MAX: variants seen among roughly 807,000 people sequenced by gnomAD.
The protein encoded by MAX is protein max.
A neutral mutation model predicts 22.3 loss-of-function variants in MAX; 3 were observed. The observed-to-expected ratio is 0.13, with a 90% CI of 0.06 to 0.35. MAX has a LOEUF of 0.35. Ranked by LOEUF, MAX falls within the 10% of genes least tolerant of loss-of-function variation. The pLI is 1.00. For synonymous variants in MAX, 72 were observed against 77.7 expected, an observed-to-expected ratio of 0.93 and a Z score of 0.39; for missense variants, 119 against 209.4, an observed-to-expected ratio of 0.57 and a Z score of 2.66.
rs529334405 is a variant in MAX, at chr14:65,086,782, G to C, written c.171+6926C>G. ...ATTTTCTGAGAAGAAATTCAAGCCA[G>C]CTGCAGAGATTTGCATAAGTAATGA... On this transcript the variant is annotated intron_variant, in intron 3 of 4. Coordinates refer to ENST00000358664, the MANE Select transcript of MAX (RefSeq NM_002382.5). Among the ~76,000 whole-genome samples the C allele has an allele frequency of 3.3e-5, 5 of 152,368 alleles. No individual in the cohort carries two copies. The East Asian group carries it at 9.6e-4, about 29-fold the overall frequency.
chr14:65,020,676 C>T (rs1283096196), intron 3 of MAX, among the ~76,000 whole-genome samples: 2 of 152,106 alleles, frequency 1.3e-5, no homozygotes, highest in Non-Finnish European at 2.9e-5. Flanking sequence ...TCAGGTGATC[C>T]ACCTGCCTCA....
At chr14:65,056,569 A>G (rs2062741814) in intron 3 of MAX, among the ~76,000 whole-genome samples, 1 of 152,058 alleles carries the variant, frequency 6.6e-6, no homozygotes, top group Admixed American at 6.5e-5. Context: ...TGTTTTCCTG[A>G]TTACTGGTGA....
At chr14:65,025,126 T>C (rs1273919311) in intron 3 of MAX, among the ~76,000 whole-genome samples, 1 of 152,160 alleles carries the variant, frequency 6.6e-6, no homozygotes, top group Non-Finnish European at 1.5e-5. Flanking sequence ...CCTCCAGTTC[T>C]CTAGCACAGC....
chr14:65,007,671 T>A lies in MAX; in HGVS notation c.172-1387A>T, dbSNP rs1300593005. Among the ~76,000 whole-genome samples the A allele has an allele frequency of 1.3e-5, 2 of 152,238 alleles. No homozygotes were observed. The highest frequency in any genetic ancestry group is 4.8e-5 in the African/African-American group (2 of 41,456). ...TGACCATGCTTTTCATGGTTTTGTTTATTCATGTCTGCTTTCCCATGAAAA... is the reference window on the plus strand; with the variant it reads ...TGACCATGCTTTTCATGGTTTTGTTAATTCATGTCTGCTTTCCCATGAAAA... On this transcript the variant is annotated intron_variant, in intron 3 of 3. Coordinates refer to the MAX transcript ENST00000341653. This position sits in a 1 kb window ranked among gnomAD's most constrained non-coding sequence, Gnocchi z 4.9.
chr14:65,092,332 TAGG>T, intron 3 of MAX, among the ~76,000 whole-genome samples: 1 of 152,310 alleles, frequency 6.6e-6, no homozygotes, highest in East Asian at 1.9e-4. Flanking sequence ...AGGTGAGACT[TAGG>T]AGAAGGCAGC....
chr14:65,033,800 T>C (rs1433580649), intron 3 of MAX, among the ~76,000 whole-genome samples: 1 of 152,072 alleles, frequency 6.6e-6, no homozygotes, highest in African/African-American at 2.4e-5. Context: ...GAGCTTGCAG[T>C]GAGCCGAGAT....
At chr14:65,040,894 G>T in intron 3 of MAX, 1 of 1,613,926 alleles carries the variant, frequency 6.2e-7, no homozygotes. Flanking sequence ...AAGAGGGAAC[G>T]TTCCTTGAAC....
At chr14:65,033,551 A>G (rs1437879688) in intron 3 of MAX, among the ~76,000 whole-genome samples, 1 of 152,184 alleles carries the variant, frequency 6.6e-6, no homozygotes, top group Non-Finnish European at 1.5e-5. Context: ...GGATGCTCCA[A>G]ATATTTCATA....
intron 3 of MAX, among the ~76,000 whole-genome samples, chr14:65,086,427 T>C (rs2063335497): frequency 6.6e-6 from 1 of 152,196 alleles, no homozygotes; most frequent in East Asian, 1.9e-4. Context: ...TGAATGGCTT[T>C]GCCCAAAATG....
Position 65,009,207 on chromosome 14 carries a change from G to C in MAX, c.172-2923C>G, listed in dbSNP as rs2061645980. On this transcript the variant is annotated intron_variant, in intron 3 of 3. Coordinates refer to the MAX transcript ENST00000341653. This position sits in a 1 kb window ranked among gnomAD's most constrained non-coding sequence, Gnocchi z 4.2. ...GCTGCCATAAGACGGTATCACAGAT[G>C]GGGTGCATTAAACCACAGAGATTTA... Among the ~76,000 whole-genome samples, 1 of 152,136 alleles carries C rather than the reference G, an allele frequency of 6.6e-6. No individual in the cohort carries two copies. The highest frequency in any genetic ancestry group is 2.4e-5 in the African/African-American group (1 of 41,428).
Position 65,026,191 on chromosome 14 carries a change from G to A in MAX, c.172-19907C>T, listed in dbSNP as rs933097352. 3.3e-4 allele frequency among the ~76,000 whole-genome samples: 51 copies of A among 152,322 alleles called. 1 individual carries two copies. The highest frequency in any genetic ancestry group is 1.2e-3 in the African/African-American group (49 of 41,564). ...GTTGTAAATGGAGGTTTCTCCTGGC[G>A]GGAAGGCTGTGACCCTGCTGAGCTG... is the stretch of plus-strand genomic sequence containing the variant. On this transcript the variant is annotated intron_variant, in intron 3 of 3. Coordinates refer to the MAX transcript ENST00000341653.
chr14:65,021,721 C>G (rs2061889153), intron 3 of MAX, among the ~76,000 whole-genome samples: 1 of 152,202 alleles, frequency 6.6e-6, no homozygotes, highest in African/African-American at 2.4e-5. Flanking sequence ...TCTCAGCTCA[C>G]TGCAACTTCC....
chr14:65,024,035 G>A (rs2061935505), intron 3 of MAX, among the ~76,000 whole-genome samples: 1 of 151,698 alleles, frequency 6.6e-6, no homozygotes, highest in Non-Finnish European at 1.5e-5. Context: ...CCAGGAGGCA[G>A]AGCTTGCAGT....
At position 65,054,304 on chromosome 14, in the gene MAX, G is replaced by T. The variant is rs2062679556; in HGVS notation, c.171+39404C>A. On this transcript the variant is annotated intron_variant, in intron 3 of 3. Coordinates refer to the MAX transcript ENST00000341653. This position sits in a 1 kb window ranked among gnomAD's most constrained non-coding sequence, Gnocchi z 4.4. ...ATTTTTAATTTTTTGTAGAGACGGG[G>T]TCTCCCATGTTGCCCAAGTTGGTTT... Among the ~76,000 whole-genome samples, 1 of 151,878 alleles carries T rather than the reference G, an allele frequency of 6.6e-6. No individual in the cohort carries two copies.
rs1016819639 is a variant in MAX at position 65,076,178 on chromosome 14, C to T, written c.*298G>A. 2.1e-5 allele frequency: 29 copies of T among 1,388,700 alleles called. No homozygotes were observed. The highest frequency in any genetic ancestry group is 1.3e-4 in the African/African-American group (9 of 68,980). The allele number at this position is 1,388,700 out of a possible 1,614,324, so 86.0% of individuals were successfully genotyped here. A position where few individuals can be genotyped will look rare whatever the true frequency, so the allele number is the denominator to read the frequency against. On this transcript the variant is annotated 3_prime_UTR_variant, in exon 5 of 5. Transcript: ENST00000358664. This position sits in a 1 kb window ranked among gnomAD's most constrained non-coding sequence, Gnocchi z 6.6. ...GACACTATGTGCTCAGAGGTCCGGC[C>T]GGCCGTCTGTCCTCCACAGAAAAAG...
rs527627989 is a variant in MAX at position 65,052,016 on chromosome 14, C to T, written c.171+41692G>A. 2.2e-3 allele frequency among the ~76,000 whole-genome samples: 341 copies of T among 152,128 alleles called. 2 individuals are homozygous for T. The highest frequency in any genetic ancestry group is 7.8e-3 in the African/African-American group (322 of 41,500). Reference sequence around the variant, plus strand: ...TTCACCGTGTTAGCCGGGATGGTCTCGATCTCCTGACCTCGTGATCAACCC... The same window carrying T: ...TTCACCGTGTTAGCCGGGATGGTCTTGATCTCCTGACCTCGTGATCAACCC... On this transcript the variant is annotated intron_variant, in intron 3 of 3. Coordinates refer to the MAX transcript ENST00000341653.
chr14:65,028,237 C>T lies in MAX; in HGVS notation c.172-21953G>A, dbSNP rs987076504. Among the ~76,000 whole-genome samples, 1 of 152,132 alleles carries T rather than the reference C, an allele frequency of 6.6e-6. No individual in the cohort carries two copies. Among genetic ancestry groups the T allele is most frequent in the Non-Finnish European group, 1.5e-5 (1 of 68,024 alleles). On this transcript the variant is annotated intron_variant, in intron 3 of 3. Transcript: ENST00000341653. This position sits in a 1 kb window ranked among gnomAD's most constrained non-coding sequence, Gnocchi z 4.4. ...CACATGAGAGTTTTTCTGGGAGGTG[C>T]AGAGAGCCTTGTGGGCCGGGAGAGT...
chr14:65,097,985 T>G (rs1271582), intron 2 of MAX, among the ~76,000 whole-genome samples: 74,714 of 151,986 alleles, frequency 0.49, 20,882 homozygotes, highest in African/African-American at 0.78. Flanking sequence ...GTGCCTAAAA[T>G]AACTGGCAAA....
chr14:65,024,167 G>A (rs1175766470), intron 3 of MAX, among the ~76,000 whole-genome samples: 2 of 151,858 alleles, frequency 1.3e-5, no homozygotes, highest in African/African-American at 4.8e-5. Context: ...CTGCAGTTTA[G>A]CAAGATCCAC....
Sources: gnomAD v4.1 joint callset for allele counts (sites outside exome capture counted in the v4.1 genomes callset) on GRCh38, gnomAD v4.1.1 for gene constraint, Gnocchi (gnomAD v3.1) non-coding constraint, MANE v1.5 for transcripts, NCBI Gene and HGNC (gene_info 2026-07-23, HGNC 2026-07-21) for gene names.